LRRTM4: variants seen among roughly 807,000 people sequenced by gnomAD.
LRRTM4 encodes leucine-rich repeat transmembrane neuronal protein 4.
LRRTM4 carries 25 observed loss-of-function variants against 47.6 expected under a neutral mutation model. The observed-to-expected ratio is 0.53, with a 90% CI of 0.38 to 0.73. The LOEUF is 0.73. LRRTM4 is among the 30% of genes least tolerant of loss of function. LRRTM4 has a pLI of 0.00. For missense variants in LRRTM4, 638 were observed against 713.4 expected (o/e 0.89, Z 1.20); for synonymous variants, 311 against 269.5 (o/e 1.15, Z -1.51).
At chr2:76,875,674 A>G (rs147209325) in intron 3 of LRRTM4, among the ~76,000 whole-genome samples, 52 of 152,298 alleles carry the variant, frequency 3.4e-4, no homozygotes, top group African/African-American at 1.1e-3. Flanking sequence ...TATATTTTCT[A>G]GAACTATCTT....
chr2:76,958,417 A>T (rs184272574), intron 3 of LRRTM4, among the ~76,000 whole-genome samples: 1 of 151,920 alleles, frequency 6.6e-6, no homozygotes. Flanking sequence ...CTTGTAACGC[A>T]CCCACCCCTA....
At chr2:77,099,484 A>T (rs1443128227) in intron 3 of LRRTM4, among the ~76,000 whole-genome samples, 1 of 152,042 alleles carries the variant, frequency 6.6e-6, no homozygotes, top group African/African-American at 2.4e-5. Flanking sequence ...CATATATAAG[A>T]TATGTTAATA....
At chr2:77,027,255 T>C (rs927098418) in intron 3 of LRRTM4, among the ~76,000 whole-genome samples, 2 of 152,160 alleles carry the variant, frequency 1.3e-5, no homozygotes, top group Non-Finnish European at 2.9e-5. Flanking sequence ...AGATTCAATT[T>C]TTAATGGGGA....
At chr2:76,870,143 A>G (rs1312792222) in intron 3 of LRRTM4, among the ~76,000 whole-genome samples, 29 of 152,196 alleles carry the variant, frequency 1.9e-4, no homozygotes, top group Admixed American at 1.9e-3. Context: ...CCAGAAAGAC[A>G]GATGATCTTT....
At chr2:77,265,990 G>T (rs555559994) in intron 3 of LRRTM4, among the ~76,000 whole-genome samples, 7 of 152,258 alleles carry the variant, frequency 4.6e-5, no homozygotes, top group African/African-American at 1.4e-4. Context: ...CTAGAGCAGA[G>T]GTTGGTAAAT....
intron 3 of LRRTM4, among the ~76,000 whole-genome samples, chr2:77,156,769 A>G (rs1431557144): frequency 6.6e-6 from 1 of 150,450 alleles, no homozygotes; most frequent in Non-Finnish European, 1.5e-5. Flanking sequence ...GTGCAGTGGC[A>G]TAATGATGAC....
intron 3 of LRRTM4, among the ~76,000 whole-genome samples, chr2:77,409,291 A>T (rs1162253745): frequency 6.6e-6 from 1 of 152,176 alleles, no homozygotes; most frequent in East Asian, 1.9e-4. Flanking sequence ...AGTGTACAGA[A>T]CGGAATTCTA....
intron 3 of LRRTM4, among the ~76,000 whole-genome samples, chr2:76,782,912 G>A (rs1674478832): frequency 6.6e-6 from 1 of 152,056 alleles, no homozygotes; most frequent in Non-Finnish European, 1.5e-5. Flanking sequence ...GTGTTCTTTA[G>A]AATTAATCAA....
chr2:77,212,350 C>T (rs970832354), intron 3 of LRRTM4, among the ~76,000 whole-genome samples: 49 of 91,352 alleles, frequency 5.4e-4, no homozygotes, highest in Admixed American at 4.6e-3. Flanking sequence ...TCAAGATTAA[C>T]TCATGATATA....
chr2:76,855,406 G>C (rs1672119370), intron 3 of LRRTM4, among the ~76,000 whole-genome samples: 1 of 152,126 alleles, frequency 6.6e-6, no homozygotes, highest in African/African-American at 2.4e-5. Flanking sequence ...TGTTATAAAA[G>C]AAAGCATACA....
intron 3 of LRRTM4, among the ~76,000 whole-genome samples, chr2:77,162,287 T>C (rs1027608797): frequency 9.9e-5 from 15 of 152,150 alleles, no homozygotes; most frequent in Non-Finnish European, 1.9e-4. Flanking sequence ...GCGTCTGCCA[T>C]TGCTGAGGCT....
intron 3 of LRRTM4, among the ~76,000 whole-genome samples, chr2:77,506,281 T>C (rs1678768437): frequency 6.6e-6 from 1 of 151,712 alleles, no homozygotes; most frequent in Non-Finnish European, 1.5e-5. Flanking sequence ...CACACTAAAG[T>C]ATGTTTTAAA....
intron 3 of LRRTM4, among the ~76,000 whole-genome samples, chr2:77,337,334 T>C: frequency 6.6e-6 from 1 of 152,062 alleles, no homozygotes; most frequent in East Asian, 1.9e-4. Context: ...CCTTTCAAAT[T>C]ATCAATGTCA....
At chr2:77,254,096 C>T (rs1675697936) in intron 3 of LRRTM4, among the ~76,000 whole-genome samples, 1 of 151,802 alleles carries the variant, frequency 6.6e-6, no homozygotes, top group South Asian at 2.1e-4. Flanking sequence ...GGTGTACACA[C>T]ATATGTATAC....
intron 3 of LRRTM4, among the ~76,000 whole-genome samples, chr2:76,788,751 C>T (rs1674815991): frequency 6.6e-6 from 1 of 152,086 alleles, no homozygotes; most frequent in South Asian, 2.1e-4. Context: ...AAAGAAGACC[C>T]TGTGAATTTT....
intron 3 of LRRTM4, among the ~76,000 whole-genome samples, chr2:76,783,119 GTTAA>G (rs1387664157): frequency 6.6e-6 from 1 of 152,046 alleles, no homozygotes; most frequent in African/African-American, 2.4e-5. Context: ...AATTATCAGA[GTTAA>G]TTAATATTGG....
At chr2:76,919,560 G>A (rs1289925226) in intron 3 of LRRTM4, among the ~76,000 whole-genome samples, 1 of 152,196 alleles carries the variant, frequency 6.6e-6, no homozygotes, top group African/African-American at 2.4e-5. Flanking sequence ...TTGAAGCTGC[G>A]GCCCTCATCC....
chr2:77,362,115 G>GAGAAAGAAAGAGAGAA lies in LRRTM4; in HGVS notation c.1551+156202_1551+156203insTTCTCTCTTTCTTTCT, dbSNP rs1553434347. 1.2e-3 allele frequency among the ~76,000 whole-genome samples: 114 copies of GAGAAAGAAAGAGAGAA among 98,830 alleles called. 1 individual carries two copies. Among genetic ancestry groups the GAGAAAGAAAGAGAGAA allele is most frequent in the African/African-American group, 5.0e-3 (105 of 21,200 alleles). The allele number at this position is 98,830 out of a possible 152,430, so 64.8% of individuals were successfully genotyped here. On this transcript the variant is annotated intron_variant, in intron 3 of 3. Coordinates refer to ENST00000409884, the MANE Select transcript of LRRTM4 (RefSeq NM_001134745.3). ...AAAAGGAAAAGGAAAGAAAGAAAGAGAGAAAGAAAGAAAGAAAGAAAGAAA... is the reference window on the plus strand; with the variant it reads ...AAAAGGAAAAGGAAAGAAAGAAAGAGAGAAAGAAAGAGAGAAAGAAAGAAAGAAAGAAAGAAAGAAA...
chr2:77,416,603 T>G (rs1674643724), intron 3 of LRRTM4, among the ~76,000 whole-genome samples: 2 of 152,006 alleles, frequency 1.3e-5, no homozygotes, highest in South Asian at 4.1e-4. Flanking sequence ...ACACAGGAAA[T>G]TACTATTGTC....
Sources: gnomAD v4.1 joint callset for allele counts (sites outside exome capture counted in the v4.1 genomes callset) on GRCh38, gnomAD v4.1.1 for gene constraint, MANE v1.5 for transcripts, NCBI Gene and HGNC (gene_info 2026-07-23, HGNC 2026-07-21) for gene names.